FHOD3: variants seen among roughly 807,000 people sequenced by gnomAD.
FHOD3 encodes the protein FH1/FH2 domain-containing protein 3.
In FHOD3, 90 loss-of-function variants were observed where a neutral mutation model predicts 173.0. The ratio of observed to expected loss-of-function variants is 0.52; its 90% CI spans 0.44 to 0.62. FHOD3 has a LOEUF of 0.62. Among genes scored for constraint, FHOD3 ranks in the 20% least tolerant of loss-of-function variants. The probability of loss-of-function intolerance (pLI) is 0.00; values close to 1 mark genes in which losing one functional copy is unlikely to be tolerated. For missense variants in FHOD3, 1,945 were observed against 2,034.7 expected (o/e 0.96, Z 0.85); for synonymous variants, 828 against 823.0 (o/e 1.01, Z -0.10).
intron 3 of FHOD3, among the ~76,000 whole-genome samples, chr18:36,392,058 G>A (rs1439970461): frequency 2.0e-5 from 3 of 152,182 alleles, no homozygotes; most frequent in Non-Finnish European, 4.4e-5. Context: ...CTGGTGTAGC[G>A]GGGTGGACTT....
intron 2 of FHOD3, among the ~76,000 whole-genome samples, chr18:36,359,207 G>A (rs1003823603): frequency 5.9e-5 from 9 of 152,190 alleles, no homozygotes; most frequent in Non-Finnish European, 8.8e-5. Flanking sequence ...TGTGAAAATT[G>A]TGATGTTTTT....
chr18:36,526,563 C>G (rs2056525761), intron 5 of FHOD3, among the ~76,000 whole-genome samples: 1 of 152,180 alleles, frequency 6.6e-6, no homozygotes, highest in Middle Eastern at 3.4e-3. Context: ...CCATGTCTGG[C>G]TAATTTTTAT....
intron 3 of FHOD3, among the ~76,000 whole-genome samples, chr18:36,423,996 G>T (rs1599058813): frequency 6.6e-6 from 1 of 152,134 alleles, no homozygotes; most frequent in African/African-American, 2.4e-5. Context: ...AATTTTGTTT[G>T]CAGAAGCTCT....
At chr18:36,337,644 CT>C (rs889770545) in intron 1 of FHOD3, among the ~76,000 whole-genome samples, 1 of 152,096 alleles carries the variant, frequency 6.6e-6, no homozygotes, top group Non-Finnish European at 1.5e-5. Flanking sequence ...TTTTTTCTTT[CT>C]TTTTTTCTCT....
chr18:36,730,507 C>A (rs906346387), intron 19 of FHOD3, 139 bp from the exon 20 acceptor site: 1 of 773,150 alleles, frequency 1.3e-6, no homozygotes, highest in Non-Finnish European at 2.0e-6. Context: ...CTGTGCTGAA[C>A]AGTAGCCAGT....
At chr18:36,565,075 C>T (rs533928908) in intron 5 of FHOD3, among the ~76,000 whole-genome samples, 45 of 152,150 alleles carry the variant, frequency 3.0e-4, no homozygotes, top group African/African-American at 1.0e-3. Context: ...TTGGGGAAAA[C>T]TGGACCGGAG....
At chr18:36,402,504 T>TAC (rs1260547836) in intron 3 of FHOD3, among the ~76,000 whole-genome samples, 9 of 102,576 alleles carry the variant, frequency 8.8e-5, no homozygotes, top group African/African-American at 1.8e-4. Flanking sequence ...GTGATGCAAT[T>TAC]ATACACACAC....
chr18:36,305,745 TGG>T (rs2092076802), intron 1 of FHOD3, among the ~76,000 whole-genome samples: 3 of 152,002 alleles, frequency 2.0e-5, no homozygotes, highest in Admixed American at 6.6e-5. Context: ...AGTAGTGGGG[TGG>T]TCCTTGGGGG....
chr18:36,717,124 T>G (rs971540134), intron 18 of FHOD3, among the ~76,000 whole-genome samples: 1 of 151,782 alleles, frequency 6.6e-6, no homozygotes, highest in Non-Finnish European at 1.5e-5. Context: ...TCAATGCAGG[T>G]GGGAGAGTAG....
At chr18:36,354,599 C>G (rs1457758432) in intron 1 of FHOD3, among the ~76,000 whole-genome samples, 1 of 152,068 alleles carries the variant, frequency 6.6e-6, no homozygotes, top group Non-Finnish European at 1.5e-5. Flanking sequence ...GTCAGGAGTT[C>G]GAGACCAGGC....
chr18:36,670,414 A>AT (rs1225428686), intron 14 of FHOD3, among the ~76,000 whole-genome samples: 1 of 151,690 alleles, frequency 6.6e-6, no homozygotes, highest in Non-Finnish European at 1.5e-5. Context: ...TGGTCTGTTG[A>AT]TTTTTTTCAT....
At chr18:36,563,764 A>C (rs1014586393) in intron 5 of FHOD3, among the ~76,000 whole-genome samples, 1 of 152,088 alleles carries the variant, frequency 6.6e-6, no homozygotes, top group African/African-American at 2.4e-5. Flanking sequence ...CTGGAAACTC[A>C]TGTGTCTTCT....
chr18:36,675,059 C>T (rs1447770882), intron 14 of FHOD3, among the ~76,000 whole-genome samples: 6 of 152,114 alleles, frequency 3.9e-5, no homozygotes, highest in African/African-American at 2.4e-5. Flanking sequence ...GTCTTCCCAG[C>T]GATGGGAGGC....
chr18:36,345,874 A>G (rs541658539), intron 1 of FHOD3, among the ~76,000 whole-genome samples: 2 of 152,374 alleles, frequency 1.3e-5, no homozygotes, highest in East Asian at 3.9e-4. Flanking sequence ...GAAAAAATTC[A>G]GACAGCACAG....
chr18:36,573,692 T>C (rs2058543363), intron 5 of FHOD3, among the ~76,000 whole-genome samples: 2 of 152,218 alleles, frequency 1.3e-5, no homozygotes, highest in South Asian at 4.1e-4. Flanking sequence ...TACTTATACT[T>C]GCTTTTTACT....
chr18:36,356,941 T>C (rs2046389194), intron 2 of FHOD3, among the ~76,000 whole-genome samples: 1 of 152,086 alleles, frequency 6.6e-6, no homozygotes, highest in African/African-American at 2.4e-5. Context: ...GCCTACTTCT[T>C]ATCCATCTCG....
intron 1 of FHOD3, among the ~76,000 whole-genome samples, chr18:36,305,520 A>T (rs779139669): frequency 6.6e-6 from 1 of 152,250 alleles, no homozygotes; most frequent in Non-Finnish European, 1.5e-5. Flanking sequence ...CTCATCATGC[A>T]CTGATTTTTA....
intron 15 of FHOD3, among the ~76,000 whole-genome samples, chr18:36,685,515 T>C (rs772875182): frequency 5.9e-5 from 9 of 152,252 alleles, no homozygotes; most frequent in Non-Finnish European, 1.3e-4. Context: ...AAGTTGTTCT[T>C]TATCTATTGT....
intron 3 of FHOD3, among the ~76,000 whole-genome samples, chr18:36,464,127 C>T (rs12604211): frequency 0.098 from 14,867 of 152,122 alleles, 1,453 homozygotes; most frequent in East Asian, 0.25. Flanking sequence ...CAACTTGGAC[C>T]GTATCTGTGG....
Sources: gnomAD v4.1 joint callset for allele counts (sites outside exome capture counted in the v4.1 genomes callset) on GRCh38, gnomAD v4.1.1 for gene constraint, MANE v1.5 for transcripts, NCBI Gene and HGNC (gene_info 2026-07-23, HGNC 2026-07-21) for gene names.